Variants in MAP3K5 observed in about 807,000 individuals in gnomAD.
MAP3K5 encodes the protein mitogen-activated protein kinase kinase kinase 5, also known as ASK-1.
MAP3K5 carries 56 observed loss-of-function variants against 158.7 expected under a neutral mutation model. The ratio of observed to expected loss-of-function variants is 0.35; its 90% CI spans 0.28 to 0.44. The LOEUF is 0.44. MAP3K5 is among the 20% of genes least tolerant of loss of function. The pLI is 1.00. For missense variants in MAP3K5, 1,294 were observed against 1,674.8 expected (o/e 0.77, Z 3.97); for synonymous variants, 579 against 601.7 (o/e 0.96, Z 0.55).
At chr6:136,663,066 G>C (rs1028624609) in intron 8 of MAP3K5, among the ~76,000 whole-genome samples, 3 of 152,170 alleles carry the variant, frequency 2.0e-5, no homozygotes, top group Non-Finnish European at 4.4e-5. Context: ...TGAATACTCA[G>C]ATGCCTAGCA....
intron 1 of MAP3K5, among the ~76,000 whole-genome samples, chr6:136,736,267 T>C (rs1473124938): frequency 6.6e-6 from 1 of 152,220 alleles, no homozygotes; most frequent in Non-Finnish European, 1.5e-5. Context: ...GGATTCAACA[T>C]CTCTAAAAGA....
At chr6:136,650,629 C>G (rs1778477715) in intron 11 of MAP3K5, among the ~76,000 whole-genome samples, 1 of 152,124 alleles carries the variant, frequency 6.6e-6, no homozygotes, top group Admixed American at 6.5e-5. Flanking sequence ...GACAGGCTTC[C>G]TAAAATTAAC....
Position 136,613,892 on chromosome 6 carries a change from G to A in MAP3K5, c.2278+267C>T, listed in dbSNP as rs1776448365. Among the ~76,000 whole-genome samples the A allele has an allele frequency of 1.3e-5, 2 of 152,122 alleles. No homozygotes were observed. Among genetic ancestry groups the A allele is most frequent in the South Asian group, 4.1e-4 (2 of 4,828 alleles). ...GTGAAACATGAACTTCCTCACTTTG[G>A]AACACTGGCCCATTCTTTTGGAGTC... On this transcript the variant is annotated intron_variant, in intron 16 of 29. Transcript: ENST00000359015. The surrounding 1 kb of genome is among the most constrained non-coding windows in gnomAD (Gnocchi z 4.0).
At chr6:136,662,298 C>T (rs1179550602) in intron 8 of MAP3K5, among the ~76,000 whole-genome samples, 1 of 152,196 alleles carries the variant, frequency 6.6e-6, no homozygotes, top group Non-Finnish European at 1.5e-5. Flanking sequence ...GTGCATTCAT[C>T]TTTACCAATA....
intron 25 of MAP3K5, among the ~76,000 whole-genome samples, chr6:136,577,718 G>A (rs1376184622): frequency 6.6e-6 from 1 of 152,102 alleles, no homozygotes; most frequent in African/African-American, 2.4e-5. Context: ...TAGATTCATG[G>A]AAACATTGCA....
chr6:136,733,052 T>C (rs555610419), intron 1 of MAP3K5, among the ~76,000 whole-genome samples: 4 of 152,308 alleles, frequency 2.6e-5, no homozygotes, highest in Admixed American at 2.0e-4. Flanking sequence ...CAGGCTGAAG[T>C]ACAGTGGCAT....
chr6:136,704,981 A>G (rs1418689823), intron 3 of MAP3K5, 129 bp downstream of exon 3: 3 of 531,242 alleles, frequency 5.6e-6, no homozygotes, highest in Non-Finnish European at 9.9e-6. Context: ...ATATTGATAC[A>G]TCAGAAAATC....
At chr6:136,582,154 C>T (rs1300330969) in intron 24 of MAP3K5, among the ~76,000 whole-genome samples, 1 of 152,112 alleles carries the variant, frequency 6.6e-6, no homozygotes, top group Non-Finnish European at 1.5e-5. Context: ...CTCCTCTCAG[C>T]TCTTTATTAC....
chr6:136,585,722 C>T (rs187900462), intron 23 of MAP3K5, among the ~76,000 whole-genome samples: 174 of 152,080 alleles, frequency 1.1e-3, no homozygotes, highest in African/African-American at 4.0e-3. Flanking sequence ...GTCTTGAACT[C>T]GTGACCTCAA....
At chr6:136,586,210 C>T (rs1021168587) in intron 23 of MAP3K5, among the ~76,000 whole-genome samples, 1 of 152,190 alleles carries the variant, frequency 6.6e-6, no homozygotes, top group African/African-American at 2.4e-5. Context: ...TAAAGATTCA[C>T]AGGCAAAATC....
intron 11 of MAP3K5, among the ~76,000 whole-genome samples, chr6:136,648,319 C>A (rs941125666): frequency 5.3e-5 from 8 of 152,124 alleles, no homozygotes; most frequent in African/African-American, 1.7e-4. Context: ...GGGTGAAGAT[C>A]CTTAAGTTAC....
At chr6:136,676,040 A>T (rs991140652) in intron 7 of MAP3K5, among the ~76,000 whole-genome samples, 6 of 152,252 alleles carry the variant, frequency 3.9e-5, no homozygotes, top group Non-Finnish European at 7.3e-5. Flanking sequence ...TGTAAGCATG[A>T]CACAAGGAAA....
intron 7 of MAP3K5, among the ~76,000 whole-genome samples, chr6:136,686,017 C>G (rs893813646): frequency 3.3e-5 from 5 of 152,120 alleles, no homozygotes; most frequent in Non-Finnish European, 5.9e-5. Flanking sequence ...CTAAGAAATA[C>G]CAAAATAGCT....
intron 1 of MAP3K5, among the ~76,000 whole-genome samples, chr6:136,740,527 T>C (rs1052560480): frequency 3.9e-5 from 6 of 152,190 alleles, no homozygotes; most frequent in African/African-American, 1.4e-4. Context: ...CTTTGGAAAC[T>C]GGCTTAAACC....
chr6:136,664,401 T>A (rs1227877319), intron 8 of MAP3K5, among the ~76,000 whole-genome samples: 1 of 152,120 alleles, frequency 6.6e-6, no homozygotes, highest in African/African-American at 2.4e-5. Context: ...AGAAATAAAG[T>A]GCACAATAAA....
chr6:136,759,761 ATTTT>A (rs11317822), intron 1 of MAP3K5, among the ~76,000 whole-genome samples: 5 of 99,920 alleles, frequency 5.0e-5, no homozygotes, highest in Non-Finnish European at 7.9e-5. Flanking sequence ...CCAGCCCTCT[ATTTT>A]TTTTTTTTTT....
intron 14 of MAP3K5, among the ~76,000 whole-genome samples, chr6:136,633,383 G>A (rs1340815290): frequency 6.6e-6 from 1 of 151,634 alleles, no homozygotes; most frequent in African/African-American, 2.4e-5. Context: ...GGGTGACAGA[G>A]CAAGACTCTG....
intron 7 of MAP3K5, among the ~76,000 whole-genome samples, chr6:136,686,223 C>T (rs367651256): frequency 5.3e-4 from 81 of 152,208 alleles, no homozygotes; most frequent in African/African-American, 1.8e-3. Context: ...TGAAGACTGT[C>T]CCATTAGAAG....
At chr6:136,724,175 C>A (rs953541210) in intron 1 of MAP3K5, among the ~76,000 whole-genome samples, 3 of 151,426 alleles carry the variant, frequency 2.0e-5, no homozygotes, top group African/African-American at 4.9e-5. Context: ...TTCCAGAGAA[C>A]TGACATGTGG....
Sources: allele counts gnomAD v4.1 joint callset (sites outside exome capture counted in the v4.1 genomes callset), GRCh38; gene constraint gnomAD v4.1.1; non-coding constraint Gnocchi (gnomAD v3.1); transcripts MANE v1.5; gene names NCBI Gene and HGNC (gene_info 2026-07-23, HGNC 2026-07-21).